EFNA5: variants seen among roughly 807,000 people sequenced by gnomAD.
EFNA5 encodes the protein ephrin A5.
EFNA5 carries 5 observed loss-of-function variants against 22.9 expected under a neutral mutation model. The ratio of observed to expected loss-of-function variants is 0.22; its 90% CI spans 0.11 to 0.46. The LOEUF (loss-of-function observed/expected upper bound fraction) is 0.46, where lower values mean the gene tolerates loss of function less well. EFNA5 is among the 20% of genes least tolerant of loss of function. EFNA5 has a pLI of 0.99. For missense variants in EFNA5, 237 were observed against 293.3 expected (o/e 0.81, Z 1.40); for synonymous variants, 113 against 112.2 (o/e 1.01, Z -0.04).
chr5:107,392,557 C>T (rs748248464), intron 2 of EFNA5, among the ~76,000 whole-genome samples: 5 of 152,176 alleles, frequency 3.3e-5, no homozygotes, highest in Non-Finnish European at 7.3e-5. Context: ...TGACCGTTGC[C>T]TTGGGAGAGA....
chr5:107,652,417 T>C (rs1337560721), intron 1 of EFNA5, among the ~76,000 whole-genome samples: 1 of 152,210 alleles, frequency 6.6e-6, no homozygotes, highest in East Asian at 1.9e-4. Flanking sequence ...TCTCTCTCTG[T>C]CCATAGCATT....
chr5:107,502,956 CA>C (rs1263236713), intron 1 of EFNA5, among the ~76,000 whole-genome samples: 2 of 152,182 alleles, frequency 1.3e-5, no homozygotes, highest in Non-Finnish European at 2.9e-5. Context: ...AAGGTGTAAT[CA>C]GGAGCAGCTT....
chr5:107,656,273 G>C (rs1338570927), intron 1 of EFNA5, among the ~76,000 whole-genome samples: 1 of 152,144 alleles, frequency 6.6e-6, no homozygotes, highest in African/African-American at 2.4e-5. Context: ...TTTTACAAAG[G>C]AGATTCAAAA....
chr5:107,476,056 A>ATATATATATGTATATATATATT (rs1454967869), intron 1 of EFNA5, among the ~76,000 whole-genome samples: 1 of 115,404 alleles, frequency 8.7e-6, no homozygotes, highest in Non-Finnish European at 1.8e-5. Flanking sequence ...CTATATATAT[A>ATATATATATGTATATATATATT]TTTTTTTTTT....
At chr5:107,509,828 T>A (rs1747327213) in intron 1 of EFNA5, among the ~76,000 whole-genome samples, 2 of 152,202 alleles carry the variant, frequency 1.3e-5, no homozygotes, top group African/African-American at 4.8e-5. Flanking sequence ...TAAATATCTG[T>A]GTATTGAATG....
At chr5:107,635,399 A>G (rs1750352055) in intron 1 of EFNA5, among the ~76,000 whole-genome samples, 1 of 152,240 alleles carries the variant, frequency 6.6e-6, no homozygotes, top group Admixed American at 6.5e-5. Flanking sequence ...ACCACCACGA[A>G]TGAAGGAAAT....
chr5:107,615,273 T>G (rs1749889130), intron 1 of EFNA5, among the ~76,000 whole-genome samples: 1 of 152,126 alleles, frequency 6.6e-6, no homozygotes. Flanking sequence ...AGCCTCAGTT[T>G]TTATCATTTC....
At chr5:107,411,099 G>C (rs1292626435) in intron 2 of EFNA5, among the ~76,000 whole-genome samples, 1 of 152,104 alleles carries the variant, frequency 6.6e-6, no homozygotes, top group South Asian at 2.1e-4. Flanking sequence ...AAATATAAGA[G>C]TACTAGATAA....
At chr5:107,659,788 G>T (rs962469496) in intron 1 of EFNA5, among the ~76,000 whole-genome samples, 1 of 152,014 alleles carries the variant, frequency 6.6e-6, no homozygotes, top group East Asian at 1.9e-4. Context: ...GAGATATTCA[G>T]ACTCACAGAT....
intron 1 of EFNA5, among the ~76,000 whole-genome samples, chr5:107,608,374 C>A (rs1458340247): frequency 6.6e-6 from 1 of 152,154 alleles, no homozygotes; most frequent in Admixed American, 6.5e-5. Flanking sequence ...ATGCTGTGGT[C>A]CACAGTCTCA....
chr5:107,646,762 G>T (rs1441124056), intron 1 of EFNA5, among the ~76,000 whole-genome samples: 2 of 152,076 alleles, frequency 1.3e-5, no homozygotes, highest in Admixed American at 6.6e-5. Context: ...CTATCAGTGG[G>T]TACTATCACT....
intron 1 of EFNA5, among the ~76,000 whole-genome samples, chr5:107,649,990 T>C (rs1331436453): frequency 6.6e-6 from 1 of 152,182 alleles, no homozygotes; most frequent in Non-Finnish European, 1.5e-5. Context: ...TTAAGCATCA[T>C]GGGCCAGCCC....
intron 2 of EFNA5, among the ~76,000 whole-genome samples, chr5:107,399,133 G>A (rs1748011083): frequency 6.6e-6 from 1 of 152,030 alleles, no homozygotes; most frequent in South Asian, 2.1e-4. Context: ...ATCTGTAAGA[G>A]TGTGGGGTCC....
chr5:107,392,402 G>A lies in EFNA5; in HGVS notation c.419-4631C>T, dbSNP rs74551462. On this transcript the variant is annotated intron_variant, in intron 2 of 4. Coordinates refer to ENST00000333274, the MANE Select transcript of EFNA5 (RefSeq NM_001962.3). ...ATATTGTGAGATTTCCAATGGAGAGGACCATGTAGCAAGAAACTAACAGAG... is the reference window on the plus strand; with the variant it reads ...ATATTGTGAGATTTCCAATGGAGAGAACCATGTAGCAAGAAACTAACAGAG... Among the ~76,000 whole-genome samples the A allele has an allele frequency of 7.2e-3, 1,093 of 152,242 alleles. 15 individuals carry two copies. Among genetic ancestry groups the A allele is most frequent in the African/African-American group, 0.025 (1,056 of 41,542 alleles).
At chr5:107,599,641 A>G (rs1749547869) in intron 1 of EFNA5, among the ~76,000 whole-genome samples, 1 of 151,942 alleles carries the variant, frequency 6.6e-6, no homozygotes, top group African/African-American at 2.4e-5. Flanking sequence ...TTTTTATAAC[A>G]TGTAGTAATC....
chr5:107,622,757 C>T (rs1054800841), intron 1 of EFNA5, among the ~76,000 whole-genome samples: 1 of 151,618 alleles, frequency 6.6e-6, no homozygotes, highest in African/African-American at 2.4e-5. Flanking sequence ...CGCGGTGGCT[C>T]ACGCCTGTAA....
chr5:107,598,412 G>A (rs1749517662), intron 1 of EFNA5, among the ~76,000 whole-genome samples: 1 of 152,114 alleles, frequency 6.6e-6, no homozygotes, highest in African/African-American at 2.4e-5. Context: ...CTCTATGAAT[G>A]GAGGAAATTA....
intron 1 of EFNA5, among the ~76,000 whole-genome samples, chr5:107,497,534 A>G (rs1198078350): frequency 2.0e-5 from 3 of 152,220 alleles, no homozygotes; most frequent in Non-Finnish European, 2.9e-5. Flanking sequence ...TCTGGTTTGC[A>G]TCAGCTAAAG....
At chr5:107,558,985 C>T (rs1748477622) in intron 1 of EFNA5, among the ~76,000 whole-genome samples, 1 of 152,172 alleles carries the variant, frequency 6.6e-6, no homozygotes, top group Non-Finnish European at 1.5e-5. Flanking sequence ...AAGCCAAAAA[C>T]TGGAGGCAGA....
Sources: gnomAD v4.1 joint callset for allele counts (sites outside exome capture counted in the v4.1 genomes callset) on GRCh38, gnomAD v4.1.1 for gene constraint, MANE v1.5 for transcripts, NCBI Gene and HGNC (gene_info 2026-07-23, HGNC 2026-07-21) for gene names.